The following MROH2A variants were observed in gnomAD, a reference collection of about 807,000 sequenced individuals.
MROH2A encodes maestro heat like repeat family member 2A, also known as maestro heat-like repeat-containing protein family member 2A.
MROH2A carries 174 observed loss-of-function variants against 200.4 expected under a neutral mutation model. That is an observed-to-expected ratio of 0.87 (90% CI 0.77 to 0.98). The LOEUF (loss-of-function observed/expected upper bound fraction) is 0.98, where lower values mean the gene tolerates loss of function less well. Among genes scored for constraint, MROH2A ranks in the 50% least tolerant of loss-of-function variants. MROH2A has a pLI of 0.00. For synonymous variants in MROH2A, 829 were observed against 840.4 expected (o/e 0.99, Z 0.23); for missense variants, 2,045 against 2,139.6 (o/e 0.96, Z 0.87).
In MROH2A at chr2:233,807,630, G is replaced by A. The variant is rs1185132693; in HGVS notation, c.2172+88G>A. The A allele has an allele frequency of 5.2e-6, 8 of 1,540,990 alleles. No homozygotes were observed. The South Asian group carries it at 8.4e-5, about 16-fold the overall frequency. The stretch of plus-strand genomic sequence containing the variant: ...GTTCATGTGGCTGCATGCGTTTTGT[G>A]TGTGTGTGTGTACATGTGTGTGTGC... On this transcript the variant is annotated intron_variant, in intron 20 of 41. Coordinates refer to ENST00000389758, the MANE Select transcript of MROH2A (RefSeq NM_001394639.1). The surrounding 1 kb of genome is among the most constrained non-coding windows in gnomAD (Gnocchi z 4.3).
At chr2:233,831,002 G>A (rs1160796871) in intron 38 of MROH2A, among the ~76,000 whole-genome samples, 10 of 152,220 alleles carry the variant, frequency 6.6e-5, no homozygotes, top group East Asian at 3.9e-4. Flanking sequence ...CTGCCCTGCC[G>A]TCTCCAGAAG....
intron 24 of MROH2A, among the ~76,000 whole-genome samples, chr2:233,812,418 G>A (rs926135644): frequency 2.6e-5 from 4 of 152,188 alleles, no homozygotes; most frequent in African/African-American, 9.7e-5. Flanking sequence ...GGGGGAAAGG[G>A]GAAGAAGTTA....
At position 233,825,952 on chromosome 2, in the gene MROH2A, G is replaced by A. The variant is rs191728292; in HGVS notation, c.4113+2288G>A. Reference sequence around the variant, plus strand: ...TTTTTTTTTTTTTTTTTGAGACAGGGTCTTGCTCTGTCGCCAGGCTGGAGT... The same window carrying A: ...TTTTTTTTTTTTTTTTTGAGACAGGATCTTGCTCTGTCGCCAGGCTGGAGT... On this transcript the variant is annotated intron_variant, in intron 35 of 41. Coordinates refer to ENST00000389758, the MANE Select transcript of MROH2A (RefSeq NM_001394639.1). Among the ~76,000 whole-genome samples, 587 of 132,510 alleles carry A rather than the reference G, an allele frequency of 4.4e-3. 2 individuals carry two copies. The highest frequency in any genetic ancestry group is 0.017 in the African/African-American group (560 of 33,884). The allele number at this position is 132,510 out of a possible 152,430, so 86.9% of individuals were successfully genotyped here.
At chr2:233,806,784 T>C (rs1419126945) in intron 19 of MROH2A, among the ~76,000 whole-genome samples, 1 of 152,096 alleles carries the variant, frequency 6.6e-6, no homozygotes, top group Non-Finnish European at 1.5e-5. Context: ...TGAACACTTA[T>C]TTTATTTATT....
At position 233,813,782 on chromosome 2, in the gene MROH2A, G is replaced by T. The variant is rs1221101007; in HGVS notation, c.2760+4G>T. On this transcript the variant is annotated splice_donor_region_variant and intron_variant, in intron 25 of 41. Transcript: ENST00000389758. Reference sequence around the variant, plus strand: ...AGAGGACAATGAGTCCATTAAGGTAGGTCCCTCTGGGATGCCTCATTTGCT... The same window carrying T: ...AGAGGACAATGAGTCCATTAAGGTATGTCCCTCTGGGATGCCTCATTTGCT... 1 of 1,500,938 alleles carries T rather than the reference G, an allele frequency of 6.7e-7. No individual in the cohort carries two copies. 93.0% of individuals were successfully genotyped at this position (1,500,938 alleles called of 1,614,324 possible).
intron 40 of MROH2A, 70 bp from the exon 41 acceptor site, chr2:233,832,509 T>G: frequency 8.0e-7 from 1 of 1,254,310 alleles, no homozygotes; most frequent in South Asian, 1.3e-5. Flanking sequence ...GTAAAGTAAG[T>G]AAACCACAGG....
At chr2:233,812,511 G>T (rs186378078) in intron 24 of MROH2A, among the ~76,000 whole-genome samples, 1 of 152,184 alleles carries the variant, frequency 6.6e-6, no homozygotes, top group African/African-American at 2.4e-5. Flanking sequence ...TTACTTAGGC[G>T]CATAGCAGAA....
intron 12 of MROH2A, among the ~76,000 whole-genome samples, chr2:233,799,319 GC>G (rs1702311066): frequency 6.6e-6 from 1 of 152,196 alleles, no homozygotes; most frequent in Non-Finnish European, 1.5e-5. Flanking sequence ...GGTCTGCACA[GC>G]AGTTTTGAGG....
chr2:233,797,385 A>G (rs559631806), intron 11 of MROH2A, among the ~76,000 whole-genome samples: 1 of 152,376 alleles, frequency 6.6e-6, no homozygotes, highest in South Asian at 2.1e-4. Flanking sequence ...AAAGCAAAGC[A>G]TGAGAAACAG....
At chr2:233,799,487 A>G (rs1161506377) in intron 12 of MROH2A, among the ~76,000 whole-genome samples, 2 of 152,184 alleles carry the variant, frequency 1.3e-5, no homozygotes, top group African/African-American at 4.8e-5. Context: ...GGGGTCCAGG[A>G]TAACAGATGG....
At position 233,800,217 on chromosome 2, in the gene MROH2A, G is replaced by A; in HGVS notation, c.1462G>A (p.Glu488Lys). The A allele has an allele frequency of 1.3e-6, 2 of 1,548,906 alleles. No homozygotes were observed. Among genetic ancestry groups the A allele is most frequent in the South Asian group, 1.2e-5 (1 of 83,860 alleles). ...LSTYKLTNRR[E>K]KFYQRDLEER... ...TTCTTTCTTCCAGACAAATCGCCGG[G>A]AGAAGTTTTATCAGAGGGACTTGGA... Residue 488 changes from glutamate (E) to lysine (K), a missense_variant, in exon 14 of 42, where the codon GAG (glutamate) becomes AAG (lysine). Glu to Lys is a moderately conservative substitution (Grantham distance 56, BLOSUM62 1). Transcript: ENST00000389758.
intron 34 of MROH2A, 135 bp downstream of exon 34, chr2:233,823,153 G>T: frequency 1.1e-6 from 1 of 912,208 alleles, no homozygotes. Flanking sequence ...ACGCCAACCT[G>T]TGACTCTAGG....
intron 27 of MROH2A, among the ~76,000 whole-genome samples, chr2:233,817,154 C>G (rs549856523): frequency 6.6e-6 from 1 of 152,150 alleles, no homozygotes; most frequent in African/African-American, 2.4e-5. Context: ...TAGTTATGAA[C>G]CCCACATTGG....
At chr2:233,794,270 C>T in intron 7 of MROH2A, 93 bp from the exon 8 acceptor site, 2 of 976,622 alleles carry the variant, frequency 2.0e-6, no homozygotes, top group South Asian at 1.5e-5. Context: ...GCCTTCTGTC[C>T]TGTGTCCTTG....
chr2:233,823,566 C>CA lies in MROH2A; in HGVS notation c.4016dup (p.His1340AlafsTer120). On this transcript the variant is annotated frameshift_variant, in exon 35 of 42. Coordinates refer to ENST00000389758, the MANE Select transcript of MROH2A (RefSeq NM_001394639.1). LOFTEE classifies it high-confidence loss of function. ...GTCTCTCCTCTGCAGGCTGTGCATG[C>CA]AGCACGTGGAGGGCCACAGGCAGAG... 1 of 1,550,130 alleles carries CA rather than the reference C, an allele frequency of 6.5e-7. No homozygotes were observed. The highest frequency in any genetic ancestry group is 8.7e-7 in the Non-Finnish European group (1 of 1,146,936).
rs796089146 is a variant in MROH2A, at chr2:233,790,463, TCCCTCCC to T, written c.571+450_571+456del. Among the ~76,000 whole-genome samples, 11 of 17,888 alleles carry T rather than the reference TCCCTCCC, an allele frequency of 6.1e-4. No individual in the cohort carries two copies. In the South Asian group the frequency reaches 0.01, roughly 17 times the overall value. 11.7% of individuals were successfully genotyped at this position (17,888 alleles called of 152,430 possible). A position where few individuals can be genotyped will look rare whatever the true frequency, so the allele number is the denominator to read the frequency against. ...CTTCCTCCCTCCCCCCCTTCCTTCCTCCCTCCCTCCTTCCTTCCTCCCTCCCTCCTTC... is the reference window on the plus strand; with the variant it reads ...CTTCCTCCCTCCCCCCCTTCCTTCCTTCCTTCCTTCCTCCCTCCCTCCTTC... On this transcript the variant is annotated intron_variant, in intron 5 of 41. Coordinates refer to ENST00000389758, the MANE Select transcript of MROH2A (RefSeq NM_001394639.1).
intron 5 of MROH2A, among the ~76,000 whole-genome samples, chr2:233,791,767 G>A (rs1187781471): frequency 6.6e-6 from 1 of 152,156 alleles, no homozygotes; most frequent in African/African-American, 2.4e-5. Context: ...ATCCTGCCAA[G>A]GGGTCCAGTG....
chr2:233,789,419 G>T, intron 3 of MROH2A, 78 bp from the exon 4 acceptor site: 1 of 1,278,836 alleles, frequency 7.8e-7, no homozygotes, highest in East Asian at 3.0e-5. Context: ...TGTAGGGAAG[G>T]AGGACAGTGG....
chr2:233,832,463 G>T, intron 40 of MROH2A, 116 bp from the exon 41 acceptor site: 1 of 1,011,830 alleles, frequency 9.9e-7, no homozygotes. Context: ...CTGCCAACGT[G>T]GGCTCAACAA....
Sources: allele counts gnomAD v4.1 joint callset (sites outside exome capture counted in the v4.1 genomes callset), GRCh38; gene constraint gnomAD v4.1.1; non-coding constraint Gnocchi (gnomAD v3.1); transcripts MANE v1.5; gene names NCBI Gene and HGNC (gene_info 2026-07-23, HGNC 2026-07-21).